Variants in LGR4 observed in about 807,000 individuals in gnomAD.
The protein encoded by LGR4 is leucine-rich repeat-containing G protein-coupled receptor 4.
In LGR4, 44 loss-of-function variants were observed where a neutral mutation model predicts 84.8. That is an observed-to-expected ratio of 0.52 (90% confidence interval 0.41 to 0.67). The LOEUF (loss-of-function observed/expected upper bound fraction) is 0.67. Ranked by LOEUF, LGR4 falls within the 30% of genes least tolerant of loss-of-function variation. The pLI is 0.00. For synonymous variants in LGR4, 429 were observed against 434.3 expected (o/e 0.99, Z 0.15); for missense variants, 1,032 against 1,131.4 (o/e 0.91, Z 1.26).
In LGR4 at chr11:27,371,717, G is replaced by A. The variant is rs1233685302; in HGVS notation, c.1496-19C>T. On this transcript the variant is annotated intron_variant, in intron 16 of 17. Transcript: ENST00000379214. ...GCAGTACCTGAACATATAACACAAAGCATGTTTAATTAAAACCTTATGCAA... is the reference window on the plus strand; with the variant it reads ...GCAGTACCTGAACATATAACACAAAACATGTTTAATTAAAACCTTATGCAA... The A allele has an allele frequency of 6.4e-7, 1 of 1,574,230 alleles. No individual in the cohort carries two copies. Among genetic ancestry groups the A allele is most frequent in the South Asian group, 1.1e-5 (1 of 88,566 alleles).
chr11:27,426,210 T>G (rs1864022330), intron 1 of LGR4, among the ~76,000 whole-genome samples: 1 of 152,174 alleles, frequency 6.6e-6, no homozygotes. Context: ...AGACCAACAT[T>G]TCCTATGGAC....
intron 6 of LGR4, among the ~76,000 whole-genome samples, chr11:27,383,888 A>T (rs1863142627): frequency 6.6e-6 from 1 of 152,220 alleles, no homozygotes; most frequent in Non-Finnish European, 1.5e-5. Context: ...ACAACAACAA[A>T]AGTATCATAG....
intron 4 of LGR4, among the ~76,000 whole-genome samples, chr11:27,389,793 A>T (rs758998976): frequency 2.6e-5 from 4 of 152,140 alleles, no homozygotes; most frequent in Non-Finnish European, 5.9e-5. Context: ...GAGGTGAGAG[A>T]GTGTGTGAAG....
chr11:27,418,692 T>A (rs1445474623), intron 1 of LGR4, among the ~76,000 whole-genome samples: 2 of 152,180 alleles, frequency 1.3e-5, no homozygotes, highest in Non-Finnish European at 2.9e-5. Flanking sequence ...TTCAACACCC[T>A]AAGTATAATC....
At position 27,467,789 on chromosome 11, in the gene LGR4, G is replaced by C. The variant is rs184507448; in HGVS notation, c.185+4329C>G. Among the ~76,000 whole-genome samples, 235 of 152,210 alleles carry C rather than the reference G, an allele frequency of 1.5e-3. 1 individual carries two copies. The highest frequency in any genetic ancestry group is 5.5e-3 in the African/African-American group (227 of 41,522). On this transcript the variant is annotated intron_variant, in intron 1 of 17. Transcript: ENST00000379214. ...TATTTTTTCCTCGCTTATATTTAAA[G>C]AGAACACATGGTTCACTAGTTTGGA...
chr11:27,408,129 G>A (rs1327447169), intron 2 of LGR4, among the ~76,000 whole-genome samples: 2 of 151,992 alleles, frequency 1.3e-5, no homozygotes, highest in Non-Finnish European at 2.9e-5. Flanking sequence ...ATGTGTGTGT[G>A]TATAAATATG....
At chr11:27,425,183 G>A (rs1053712649) in intron 1 of LGR4, among the ~76,000 whole-genome samples, 3 of 152,172 alleles carry the variant, frequency 2.0e-5, no homozygotes, top group African/African-American at 7.2e-5. Context: ...TCTTCACATG[G>A]TTGAAGAGAT....
chr11:27,413,307 T>G (rs1300470892), intron 1 of LGR4, among the ~76,000 whole-genome samples: 1 of 152,102 alleles, frequency 6.6e-6, no homozygotes, highest in African/African-American at 2.4e-5. Context: ...CTAGTCATAT[T>G]TTCTTCAAAA....
chr11:27,469,477 A>G (rs1252035092), intron 1 of LGR4, among the ~76,000 whole-genome samples: 1 of 152,032 alleles, frequency 6.6e-6, no homozygotes, highest in Non-Finnish European at 1.5e-5. Flanking sequence ...AGTGCCTCCT[A>G]TGTACCGGGC....
chr11:27,471,124 C>T (rs1310401188), intron 1 of LGR4, among the ~76,000 whole-genome samples: 2 of 152,160 alleles, frequency 1.3e-5, no homozygotes, highest in Non-Finnish European at 1.5e-5. Flanking sequence ...CCTGTTCCTC[C>T]TCTATCCGTG....
intron 1 of LGR4, among the ~76,000 whole-genome samples, chr11:27,424,732 T>G (rs115691407): frequency 0.014 from 2,142 of 152,234 alleles, 52 homozygotes; most frequent in African/African-American, 0.049. Flanking sequence ...TTTGTAATAT[T>G]AAGATTAGGT....
chr11:27,387,191 C>T lies in LGR4; in HGVS notation c.402-1723G>A, dbSNP rs187814465. ...ATAATTACCTGCAATTCACTCAACG[C>T]AGTTAAATTGAGCATCTTGTTAGGT... On this transcript the variant is annotated intron_variant, in intron 4 of 17. Coordinates refer to ENST00000379214, the MANE Select transcript of LGR4 (RefSeq NM_018490.5). Among the ~76,000 whole-genome samples the T allele has an allele frequency of 5.1e-4, 77 of 152,294 alleles. 1 individual carries two copies. The highest frequency in any genetic ancestry group is 1.7e-3 in the African/African-American group (69 of 41,576).
intron 2 of LGR4, among the ~76,000 whole-genome samples, chr11:27,398,733 G>A (rs926013212): frequency 2.6e-5 from 4 of 152,178 alleles, no homozygotes; most frequent in African/African-American, 9.7e-5. Flanking sequence ...AGTGACCACA[G>A]CCTCCCATTC....
Position 27,380,631 on chromosome 11 carries a change from C to T in LGR4, c.902+9G>A. On this transcript the variant is annotated intron_variant, in intron 9 of 17. Coordinates refer to ENST00000379214, the MANE Select transcript of LGR4 (RefSeq NM_018490.5). ...ATATCCAGGTTTGTTTTTAAATTCACATACTTACAGGGAATGAAGATCAGA... is the reference window on the plus strand; with the variant it reads ...ATATCCAGGTTTGTTTTTAAATTCATATACTTACAGGGAATGAAGATCAGA... 6.6e-7 allele frequency: 1 copy of T among 1,523,222 alleles called. No homozygotes were observed. Among genetic ancestry groups the T allele is most frequent in the Non-Finnish European group, 9.1e-7 (1 of 1,102,992 alleles). The allele number at this position is 1,523,222 out of a possible 1,614,324, so 94.4% of individuals were successfully genotyped here. A position where few individuals can be genotyped will look rare whatever the true frequency, so the allele number is the denominator to read the frequency against.
At position 27,366,261 on chromosome 11, in the gene LGR4, AACT is replaced by A. The variant is rs1230328155; in HGVS notation, c.*1603_*1605del. 1.3e-5 allele frequency: 2 copies of A among 152,558 alleles called. No homozygotes were observed. Among genetic ancestry groups the A allele is most frequent in the African/African-American group, 4.8e-5 (2 of 41,450 alleles). The allele number at this position is 152,558 out of a possible 1,614,324, so 9.5% of individuals were successfully genotyped here. A position where few individuals can be genotyped will look rare whatever the true frequency, so the allele number is the denominator to read the frequency against. Reference sequence around the variant, plus strand: ...ATAAATCCTTCCCACATTTTATACAAACTACATGATTTTGATATACAAAGATTC... The same window carrying A: ...ATAAATCCTTCCCACATTTTATACAAACATGATTTTGATATACAAAGATTC... On this transcript the variant is annotated 3_prime_UTR_variant, in exon 18 of 18. Transcript: ENST00000379214.
In LGR4 at chr11:27,379,126, A is replaced by T. The variant is rs201187288; in HGVS notation, c.972-358T>A. 3 of 213,088 alleles carry T rather than the reference A, an allele frequency of 1.4e-5. No individual in the cohort carries two copies. The East Asian group carries it at 3.6e-4, about 26-fold the overall frequency. The allele number at this position is 213,088 out of a possible 1,614,324, so 13.2% of individuals were successfully genotyped here. On this transcript the variant is annotated intron_variant, in intron 10 of 17. Transcript: ENST00000379214. ...GAAACCAACTTGCATTCTGCCCCCA[A>T]ATCTTGTTTCTGTCTTTTCTTTCAG...
chr11:27,386,215 C>G (rs1223998643), intron 4 of LGR4, among the ~76,000 whole-genome samples: 1 of 152,126 alleles, frequency 6.6e-6, no homozygotes, highest in Non-Finnish European at 1.5e-5. Flanking sequence ...ATTAAGAACA[C>G]CTTACTAATA....
chr11:27,374,180 G>C, intron 13 of LGR4, 134 bp from the exon 14 acceptor site: 1 of 673,302 alleles, frequency 1.5e-6, no homozygotes, highest in Middle Eastern at 3.4e-4. Flanking sequence ...ATCTTGGCCA[G>C]CAATATTTTT....
chr11:27,460,789 A>G (rs1241182418), intron 1 of LGR4, among the ~76,000 whole-genome samples: 1 of 152,158 alleles, frequency 6.6e-6, no homozygotes, highest in East Asian at 1.9e-4. Flanking sequence ...TGACATGGCT[A>G]TTGAAAGCAA....
Sources: gnomAD v4.1 joint callset for allele counts (sites outside exome capture counted in the v4.1 genomes callset) on GRCh38, gnomAD v4.1.1 for gene constraint, MANE v1.5 for transcripts, NCBI Gene and HGNC (gene_info 2026-07-23, HGNC 2026-07-21) for gene names.